Variants in FRS2 observed in about 807,000 individuals in gnomAD.
FRS2 encodes the protein FGFR signalling adaptor.
FRS2 carries 8 observed loss-of-function variants against 43.9 expected under a neutral mutation model. The ratio of observed to expected loss-of-function variants is 0.18; its 90% CI spans 0.11 to 0.33. FRS2 has a LOEUF of 0.33. FRS2 is among the 10% of genes least tolerant of loss of function. The probability of loss-of-function intolerance (pLI) is 1.00; values close to 1 mark genes in which losing one functional copy is unlikely to be tolerated. For missense variants in FRS2, 534 were observed against 627.6 expected (o/e 0.85, Z 1.59); for synonymous variants, 219 against 220.3 (o/e 0.99, Z 0.05).
chr12:69,503,887 T>C (rs916444690), intron 1 of FRS2, among the ~76,000 whole-genome samples: 3 of 152,106 alleles, frequency 2.0e-5, no homozygotes, highest in African/African-American at 7.2e-5. Flanking sequence ...AAATGAAAAT[T>C]AGTATTAAAT....
chr12:69,498,686 A>G (rs1873149721), intron 1 of FRS2, among the ~76,000 whole-genome samples: 1 of 152,070 alleles, frequency 6.6e-6, no homozygotes, highest in African/African-American at 2.4e-5. Context: ...GAATATGAGA[A>G]GTGGGGGAAG....
intron 1 of FRS2, among the ~76,000 whole-genome samples, chr12:69,474,130 T>G (rs985383704): frequency 6.6e-6 from 1 of 152,144 alleles, no homozygotes; most frequent in Non-Finnish European, 1.5e-5. Flanking sequence ...TGTGAGCCAC[T>G]GCGCCCAGCT....
chr12:69,572,241 G>C lies in FRS2; in HGVS notation c.536G>C (p.Gly179Ala), dbSNP rs1880829470. 12 of 1,613,004 alleles carry C rather than the reference G, an allele frequency of 7.4e-6. No homozygotes were observed. Among genetic ancestry groups the C allele is most frequent in the Non-Finnish European group, 1.0e-5 (12 of 1,179,470 alleles). ...GGAAGTGCTCGCCTGCCTTCAGTAGGGGAAGAATCTACACATCCTTTGCTT... is the reference window on the plus strand; with the variant it reads ...GGAAGTGCTCGCCTGCCTTCAGTAGCGGAAGAATCTACACATCCTTTGCTT... ...SVGSARLPSV[G>A]EESTHPLLVA... The change falls in exon 8 of 9, where the codon GGG becomes GCG. Residue 179 changes from glycine to alanine, a missense_variant. Around this residue, in one of 3 missense-constraint regions of FRS2, gnomAD observed 446 missense variants for 494.2 expected, o/e 0.90. Transcript: ENST00000549921.
intron 1 of FRS2, among the ~76,000 whole-genome samples, chr12:69,484,490 C>T (rs1644097173): frequency 6.6e-6 from 1 of 152,148 alleles, no homozygotes; most frequent in Non-Finnish European, 1.5e-5. Flanking sequence ...AAATGATTGC[C>T]AGTTTCTACA....
intron 3 of FRS2, among the ~76,000 whole-genome samples, chr12:69,553,323 A>AG (rs780408601): frequency 1.3e-5 from 2 of 152,114 alleles, no homozygotes; most frequent in Non-Finnish European, 2.9e-5. Context: ...CGCCTGCCTC[A>AG]GCCTCCCAAA....
chr12:69,544,656 G>A (rs540683978), intron 3 of FRS2, among the ~76,000 whole-genome samples: 27 of 152,080 alleles, frequency 1.8e-4, no homozygotes, highest in Non-Finnish European at 3.1e-4. Flanking sequence ...GCAGTGAGCC[G>A]AGATCATGCC....
intron 1 of FRS2, among the ~76,000 whole-genome samples, chr12:69,511,657 A>G (rs1874467228): frequency 6.6e-6 from 1 of 152,164 alleles, no homozygotes; most frequent in Non-Finnish European, 1.5e-5. Context: ...TCTATGATCC[A>G]TTACAAAGGA....
rs373664155 is a variant in FRS2 at position 69,544,302 on chromosome 12, A to G, written c.-122+12246A>G. 7.9e-5 allele frequency among the ~76,000 whole-genome samples: 12 copies of G among 152,316 alleles called. No homozygotes were observed. In the South Asian group the frequency reaches 2.3e-3, roughly 29 times the overall value. On this transcript the variant is annotated intron_variant, in intron 3 of 8. Coordinates refer to ENST00000549921, the MANE Select transcript of FRS2 (RefSeq NM_001278356.2). Reference sequence around the variant, plus strand: ...ATATGAAAATTGTTCAATGTAATATACACATTAAAAGAATGAATGGGAGAA... The same window carrying G: ...ATATGAAAATTGTTCAATGTAATATGCACATTAAAAGAATGAATGGGAGAA...
At chr12:69,475,186 T>TA (rs1870656376) in intron 1 of FRS2, among the ~76,000 whole-genome samples, 1 of 152,224 alleles carries the variant, frequency 6.6e-6, no homozygotes, top group South Asian at 2.1e-4. Flanking sequence ...GAATGAGGCT[T>TA]AGAGTTGTAA....
rs1194818886 is a variant in FRS2 at position 69,574,303 on chromosome 12, G to A, written c.875G>A (p.Ser292Asn). The A allele has an allele frequency of 6.2e-7, 1 of 1,614,214 alleles. No homozygotes were observed. Among genetic ancestry groups the A allele is most frequent in the Middle Eastern group, 1.6e-4 (1 of 6,062 alleles). Residue 292 changes from serine to asparagine, a missense_variant, in exon 9 of 9, where the codon AGT becomes AAT. By Grantham distance (46) the Ser-to-Asn change is conservative (BLOSUM62 1). Around this residue, in one of 3 missense-constraint regions of FRS2, gnomAD observed 446 missense variants for 494.2 expected, o/e 0.90. Transcript: ENST00000549921. Reference protein sequence around the residue: ...NNTEWDTGYDSDERRDAPSVN... With the variant: ...NNTEWDTGYDNDERRDAPSVN... ...ACAGAATGGGACACTGGCTATGACA[G>A]TGATGAACGAAGAGATGCACCCTCT...
chr12:69,482,358 A>G (rs981434028), intron 1 of FRS2, among the ~76,000 whole-genome samples: 3 of 152,202 alleles, frequency 2.0e-5, no homozygotes, highest in Admixed American at 6.5e-5. Context: ...TTTTACATTG[A>G]TATTACGGGA....
At position 69,476,760 on chromosome 12, in the gene FRS2, G is replaced by A. The variant is rs1215921474; in HGVS notation, c.-261+6230G>A. Among the ~76,000 whole-genome samples, 9 of 148,380 alleles carry A rather than the reference G, an allele frequency of 6.1e-5. 1 individual carries two copies. The highest frequency in any genetic ancestry group is 2.7e-4 in the Admixed American group (4 of 14,792). ...GCGGCTGTGGGGGAGGGACGGGGGG[G>A]GGTGTGGGGGTGGGGAACTTAAGGT... On this transcript the variant is annotated intron_variant, in intron 1 of 8. Transcript: ENST00000549921.
chr12:69,507,274 C>G (rs539461008), intron 1 of FRS2, among the ~76,000 whole-genome samples: 1 of 152,050 alleles, frequency 6.6e-6, no homozygotes, highest in Non-Finnish European at 1.5e-5. Context: ...TGTCATGTTC[C>G]GACACATAAT....
Position 69,574,309 on chromosome 12 carries a change from A to G in FRS2, c.881A>G (p.Glu294Gly). 6.2e-7 allele frequency: 1 copy of G among 1,614,216 alleles called. No homozygotes were observed. Among genetic ancestry groups the G allele is most frequent in the East Asian group, 2.2e-5 (1 of 44,888 alleles). Residue 294 changes from glutamate to glycine, a missense_variant, in exon 9 of 9, where the codon GAA becomes GGA. Transcript: ENST00000549921. Reference protein sequence around the residue: ...TEWDTGYDSDERRDAPSVNKL... With the variant: ...TEWDTGYDSDGRRDAPSVNKL... ...TGGGACACTGGCTATGACAGTGATG[A>G]ACGAAGAGATGCACCCTCTGTTAAC...
rs531710117 is a variant in FRS2, at chr12:69,554,773, C to T, written c.-121-7407C>T. The stretch of plus-strand genomic sequence containing the variant: ...AGGCTAGAGTGCAGTGGCATGATCA[C>T]AGCTCACTGCACTGTTGGCCTCCTG... On this transcript the variant is annotated intron_variant, in intron 3 of 8. Coordinates refer to ENST00000549921, the MANE Select transcript of FRS2 (RefSeq NM_001278356.2). 3.5e-3 allele frequency among the ~76,000 whole-genome samples: 535 copies of T among 152,256 alleles called. 3 individuals carry two copies. Among genetic ancestry groups the T allele is most frequent in the African/African-American group, 0.012 (515 of 41,540 alleles).
chr12:69,513,913 C>T (rs1438572233), intron 1 of FRS2, among the ~76,000 whole-genome samples: 2 of 151,998 alleles, frequency 1.3e-5, no homozygotes, highest in African/African-American at 2.4e-5. Context: ...CTAAATCTGC[C>T]TAGATATTTC....
At chr12:69,553,023 A>T (rs972501344) in intron 3 of FRS2, among the ~76,000 whole-genome samples, 2 of 152,190 alleles carry the variant, frequency 1.3e-5, no homozygotes, top group African/African-American at 4.8e-5. Context: ...TTTTAAAAAT[A>T]ACACAAAACT....
rs1250447423 is a variant in FRS2 at position 69,579,326 on chromosome 12, A to G, written c.*4371A>G. On this transcript the variant is annotated 3_prime_UTR_variant, in exon 9 of 9. Coordinates refer to ENST00000549921, the MANE Select transcript of FRS2 (RefSeq NM_001278356.2). ...ATATGATGTAAACTTGCTTTTAAGG[A>G]CAAGTGTGAATGTGCTTTTTAAGCT... 3 of 152,654 alleles carry G rather than the reference A, an allele frequency of 2.0e-5. No individual in the cohort carries two copies. The highest frequency in any genetic ancestry group is 7.2e-5 in the African/African-American group (3 of 41,452). The allele number at this position is 152,654 out of a possible 1,614,324, so 9.5% of individuals were successfully genotyped here. A position where few individuals can be genotyped will look rare whatever the true frequency, so the allele number is the denominator to read the frequency against.
intron 3 of FRS2, among the ~76,000 whole-genome samples, chr12:69,555,113 C>T (rs1472968815): frequency 1.3e-5 from 2 of 151,886 alleles, no homozygotes; most frequent in African/African-American, 4.8e-5. Flanking sequence ...GGCGCAATCT[C>T]AGCTCACTGC....
Sources: allele counts gnomAD v4.1 joint callset (sites outside exome capture counted in the v4.1 genomes callset), GRCh38; gene constraint gnomAD v4.1.1; regional missense constraint gnomAD v4.1.1; transcripts MANE v1.5; gene names NCBI Gene and HGNC (gene_info 2026-07-23, HGNC 2026-07-21).